Variants in LUZP2 observed in about 807,000 individuals in gnomAD.
LUZP2 encodes leucine zipper protein 2.
A neutral mutation model predicts 51.6 loss-of-function variants in LUZP2; 52 were observed. The observed-to-expected ratio is 1.01, with a 90% confidence interval of 0.81 to 1.27. LUZP2 has a LOEUF of 1.27. LUZP2 is among the 50% of genes most tolerant of loss of function. LUZP2 has a pLI of 0.00. For missense variants in LUZP2, 436 were observed against 395.4 expected, an observed-to-expected ratio of 1.10 and a Z score of -0.87; for synonymous variants, 154 against 137.3, an observed-to-expected ratio of 1.12 and a Z score of -0.85.
intron 9 of LUZP2, among the ~76,000 whole-genome samples, chr11:24,988,720 T>C (rs1037000233): frequency 2.6e-5 from 4 of 152,064 alleles, no homozygotes; most frequent in Non-Finnish European, 4.4e-5. Context: ...GAATATGTTT[T>C]TCCTGAATCA....
chr11:24,839,127 C>A (rs1298487678), intron 5 of LUZP2, among the ~76,000 whole-genome samples: 2 of 151,656 alleles, frequency 1.3e-5, no homozygotes, highest in Non-Finnish European at 3.0e-5. Context: ...ATTACAATAT[C>A]TGAGTTCTAC....
At chr11:24,583,997 CCA>C (rs1852971017) in intron 1 of LUZP2, among the ~76,000 whole-genome samples, 1 of 151,984 alleles carries the variant, frequency 6.6e-6, no homozygotes, top group Non-Finnish European at 1.5e-5. Context: ...CAGGCGTGAG[CCA>C]CCGCGCCTGA....
chr11:24,793,031 T>A (rs1245065092), intron 5 of LUZP2, among the ~76,000 whole-genome samples: 2 of 152,236 alleles, frequency 1.3e-5, no homozygotes, highest in Non-Finnish European at 2.9e-5. Context: ...TTCTGTTAGA[T>A]CTGCATTTTA....
chr11:24,754,508 A>G (rs1859702648), intron 4 of LUZP2, among the ~76,000 whole-genome samples: 1 of 152,198 alleles, frequency 6.6e-6, no homozygotes, highest in Non-Finnish European at 1.5e-5. Flanking sequence ...ACAGGGTTAC[A>G]TGAGGTGTTC....
chr11:24,638,042 T>G (rs966385996), intron 1 of LUZP2, among the ~76,000 whole-genome samples: 1 of 151,838 alleles, frequency 6.6e-6, no homozygotes, highest in Admixed American at 6.6e-5. Flanking sequence ...ACTCTTTCTC[T>G]GTATTTTTCA....
intron 1 of LUZP2, among the ~76,000 whole-genome samples, chr11:24,602,852 A>G (rs1459059456): frequency 5.9e-5 from 9 of 151,744 alleles, no homozygotes; most frequent in Admixed American, 5.9e-4. Flanking sequence ...GAAGAAGTAC[A>G]GTGAGATTAA....
At position 25,034,362 on chromosome 11, in the gene LUZP2, A is replaced by G. The variant is rs77842441; in HGVS notation, c.766-15676A>G. On this transcript the variant is annotated intron_variant, in intron 9 of 11. Coordinates refer to ENST00000336930, the MANE Select transcript of LUZP2 (RefSeq NM_001009909.4). ...GCCTAGTTTACAAATATCTTCTTCC[A>G]TTCTGTAGGTTGTCTGTTTTGTTGA... 7.8e-3 allele frequency among the ~76,000 whole-genome samples: 1,188 copies of G among 152,016 alleles called. 34 individuals carry two copies. In the East Asian group the frequency reaches 0.099, roughly 13 times the overall value.
Position 24,639,601 on chromosome 11 carries a change from G to A in LUZP2, c.63-89568G>A, listed in dbSNP as rs184143858. Among the ~76,000 whole-genome samples, 46 of 151,606 alleles carry A rather than the reference G, an allele frequency of 3.0e-4. No homozygotes were observed. The East Asian group carries it at 6.8e-3, about 22-fold the overall frequency. ...TGAGTAGATGGAATTACAGGTGCCC[G>A]CCACCACACCTGGCTAATTTTGTAT... On this transcript the variant is annotated intron_variant, in intron 1 of 11. Transcript: ENST00000336930.
At chr11:24,714,659 T>C (rs991620671) in intron 1 of LUZP2, among the ~76,000 whole-genome samples, 2 of 152,186 alleles carry the variant, frequency 1.3e-5, no homozygotes, top group Admixed American at 1.3e-4. Context: ...GCATGGAGTT[T>C]ATCTAAAATA....
intron 4 of LUZP2, among the ~76,000 whole-genome samples, chr11:24,738,720 C>T (rs1411062630): frequency 3.3e-5 from 5 of 151,942 alleles, no homozygotes; most frequent in South Asian, 2.1e-4. Flanking sequence ...ATCCATCCCA[C>T]GGGTTATTCT....
chr11:25,007,370 A>T (rs189073194), intron 9 of LUZP2, among the ~76,000 whole-genome samples: 53 of 152,334 alleles, frequency 3.5e-4, no homozygotes, highest in African/African-American at 1.2e-3. Flanking sequence ...TGGTAGGCTG[A>T]GGTGGGCAAA....
At position 24,924,386 on chromosome 11, in the gene LUZP2, C is replaced by T. The variant is rs987442565; in HGVS notation, c.522+9848C>T. On this transcript the variant is annotated intron_variant, in intron 7 of 11. Transcript: ENST00000336930. ...AGCCACCGCACCCAGCCCGCTTGCCCCTTTTATTTACTCTCCCCTTTTTAC... is the reference window on the plus strand; with the variant it reads ...AGCCACCGCACCCAGCCCGCTTGCCTCTTTTATTTACTCTCCCCTTTTTAC... Among the ~76,000 whole-genome samples the T allele has an allele frequency of 5.3e-5, 8 of 152,088 alleles. No homozygotes were observed. In the South Asian group the frequency reaches 1.5e-3, roughly 28 times the overall value.
At chr11:24,890,853 T>C (rs1007510840) in intron 5 of LUZP2, 24 of 918,104 alleles carry the variant, frequency 2.6e-5, no homozygotes, top group Non-Finnish European at 3.1e-5. Context: ...ATAGAAAAAA[T>C]ATAAAGCATT....
chr11:24,963,107 G>C (rs1176252342), intron 7 of LUZP2, among the ~76,000 whole-genome samples: 1 of 152,154 alleles, frequency 6.6e-6, no homozygotes, highest in Non-Finnish European at 1.5e-5. Context: ...GCTGCTGTCT[G>C]ATCATTCTTC....
chr11:24,944,430 T>C (rs1467025068), intron 7 of LUZP2, among the ~76,000 whole-genome samples: 1 of 152,192 alleles, frequency 6.6e-6, no homozygotes, highest in Non-Finnish European at 1.5e-5. Flanking sequence ...AATTTTTGTA[T>C]GCACAAATAT....
chr11:25,072,282 G>A (rs1859180748), intron 10 of LUZP2, among the ~76,000 whole-genome samples: 2 of 151,960 alleles, frequency 1.3e-5, no homozygotes, highest in African/African-American at 4.8e-5. Context: ...ATGTATTTAT[G>A]CTTTCTCCAC....
At chr11:25,040,010 G>A (rs1292433829) in intron 9 of LUZP2, among the ~76,000 whole-genome samples, 1 of 151,844 alleles carries the variant, frequency 6.6e-6, no homozygotes, top group Non-Finnish European at 1.5e-5. Context: ...GATCATGGGT[G>A]GACCACCCTC....
intron 6 of LUZP2, among the ~76,000 whole-genome samples, chr11:24,907,690 T>G (rs1423382522): frequency 6.6e-6 from 1 of 152,164 alleles, no homozygotes; most frequent in Non-Finnish European, 1.5e-5. Flanking sequence ...TGTTCAGGGT[T>G]CACATGACAC....
At chr11:24,894,135 A>C (rs1158891214) in intron 5 of LUZP2, among the ~76,000 whole-genome samples, 1 of 152,006 alleles carries the variant, frequency 6.6e-6, no homozygotes, top group East Asian at 1.9e-4. Flanking sequence ...ATATGCATGA[A>C]TAAATAAATA....
Sources: gnomAD v4.1 joint callset for allele counts (sites outside exome capture counted in the v4.1 genomes callset) on GRCh38, gnomAD v4.1.1 for gene constraint, MANE v1.5 for transcripts, NCBI Gene and HGNC (gene_info 2026-07-23, HGNC 2026-07-21) for gene names.